LIG1: variants seen among roughly 807,000 people sequenced by gnomAD.
LIG1 encodes DNA ligase 1.
LIG1 carries 70 observed loss-of-function variants against 115.7 expected under a neutral mutation model. The observed-to-expected ratio is 0.60, with a 90% CI of 0.50 to 0.74. LIG1 has a LOEUF of 0.74. Among genes scored for constraint, LIG1 ranks in the 30% least tolerant of loss-of-function variants. The pLI is 0.00. For synonymous variants in LIG1, 487 were observed against 495.3 expected, an observed-to-expected ratio of 0.98 and a Z score of 0.22; for missense variants, 1,115 against 1,225.6, an observed-to-expected ratio of 0.91 and a Z score of 1.35.
At chr19:48,123,097 C>A in intron 22 of LIG1, 77 bp downstream of exon 22, 1 of 1,612,304 alleles carries the variant, frequency 6.2e-7, no homozygotes, top group Non-Finnish European at 8.5e-7. Context: ...GTCAAACGGT[C>A]CAGGACTGGG....
intron 19 of LIG1, among the ~76,000 whole-genome samples, chr19:48,129,270 C>A (rs1233375196): frequency 6.6e-6 from 1 of 152,172 alleles, no homozygotes. Flanking sequence ...AGGCTGGTCT[C>A]GAACTCCTAA....
chr19:48,135,540 G>A (rs1299672551), intron 16 of LIG1, 140 bp downstream of exon 16: 3 of 769,880 alleles, frequency 3.9e-6, no homozygotes, highest in Non-Finnish European at 7.1e-6. Flanking sequence ...CACCACCTCT[G>A]CTCTCAGTCA....
chr19:48,168,890 CTTGTACATTTTAAATGGGCAAAA>C (rs1200294385), intron 1 of LIG1, among the ~76,000 whole-genome samples: 3 of 152,120 alleles, frequency 2.0e-5, no homozygotes, highest in African/African-American at 7.2e-5. Flanking sequence ...AAACCGCTGA[CTTGTACATTTTAAATGGGCAAAA>C]TTGTACACTT....
chr19:48,117,543 G>A (rs1392445925), intron 26 of LIG1, 95 bp downstream of exon 26: 3 of 1,281,948 alleles, frequency 2.3e-6, no homozygotes, highest in East Asian at 2.4e-5. Flanking sequence ...TTACCTGGAA[G>A]AGCAGATGTG....
At chr19:48,141,546 C>T (rs1418146418) in intron 11 of LIG1, among the ~76,000 whole-genome samples, 2 of 152,158 alleles carry the variant, frequency 1.3e-5, no homozygotes, top group African/African-American at 4.8e-5. Context: ...GTGGCTTGCC[C>T]AAGGTCACAG....
In LIG1 at chr19:48,137,712, G is replaced by C. The variant is rs1277288490; in HGVS notation, c.1088-24C>G. The C allele has an allele frequency of 6.3e-7, 1 of 1,599,678 alleles. No homozygotes were observed. On this transcript the variant is annotated intron_variant, in intron 12 of 27. Transcript: ENST00000263274. The surrounding 1 kb of genome is among the most constrained non-coding windows in gnomAD (Gnocchi z 4.3). ...ACCTTCAGGGGAGAGCGCGGGTGGG[G>C]GTGTCGAGGGTGACAGTTGTGGCTG...
intron 4 of LIG1, 137 bp from the exon 5 acceptor site, chr19:48,157,277 G>GCCACCCC: frequency 1.1e-6 from 1 of 948,784 alleles, no homozygotes; most frequent in Non-Finnish European, 1.5e-6. Context: ...TAACTCAGGG[G>GCCACCCC]TGGCCTCTTC....
intron 8 of LIG1, 49 bp downstream of exon 8, chr19:48,150,039 C>A (rs528788023): frequency 6.2e-7 from 1 of 1,613,426 alleles, no homozygotes; most frequent in Admixed American, 1.7e-5. Flanking sequence ...GGCTCACCAG[C>A]CTCCTGCCTG....
chr19:48,119,300 G>T, intron 24 of LIG1, 110 bp from the exon 25 acceptor site: 1 of 868,310 alleles, frequency 1.2e-6, no homozygotes, highest in Non-Finnish European at 1.9e-6. Context: ...TCTGGTCTAC[G>T]CAGTATCCAC....
chr19:48,132,817 A>G (rs997448281), intron 18 of LIG1, among the ~76,000 whole-genome samples, 165 bp downstream of exon 18: 1 of 147,326 alleles, frequency 6.8e-6, no homozygotes, highest in Non-Finnish European at 1.5e-5. Context: ...AAAAAAAAAA[A>G]GAACACACTC....
At chr19:48,115,810 C>T (rs2032761092) in intron 27 of LIG1, 63 bp downstream of exon 27, 1 of 1,581,368 alleles carries the variant, frequency 6.3e-7, no homozygotes. Flanking sequence ...GAGAGGCCAC[C>T]ACGCTAAAAA....
At chr19:48,152,392 G>T (rs1484124121) in intron 6 of LIG1, among the ~76,000 whole-genome samples, 1 of 152,214 alleles carries the variant, frequency 6.6e-6, no homozygotes, top group Non-Finnish European at 1.5e-5. Context: ...CAAACTGCTG[G>T]GAGTACAGGC....
chr19:48,136,174 T>A (rs757470336), intron 14 of LIG1, 49 bp from the exon 15 acceptor site: 8 of 1,364,144 alleles, frequency 5.9e-6, no homozygotes, highest in South Asian at 2.5e-5. Context: ...ACCTCCCCAA[T>A]CTTGCCTCCT....
At chr19:48,152,162 G>A (rs1411682855) in intron 6 of LIG1, among the ~76,000 whole-genome samples, 4 of 151,950 alleles carry the variant, frequency 2.6e-5, no homozygotes, top group South Asian at 2.1e-4. Context: ...TCCCTCTGTC[G>A]CCCAGGCTAG....
intron 2 of LIG1, among the ~76,000 whole-genome samples, chr19:48,165,255 A>C (rs956190549): frequency 6.6e-6 from 1 of 151,570 alleles, no homozygotes; most frequent in African/African-American, 2.4e-5. Flanking sequence ...CAAGACTCCA[A>C]CTCAAAAAAA....
chr19:48,159,810 C>T (rs866883477), intron 4 of LIG1, among the ~76,000 whole-genome samples: 3 of 152,138 alleles, frequency 2.0e-5, no homozygotes, highest in African/African-American at 4.8e-5. Context: ...CTCCGCCTCC[C>T]GGGTTCACGC....
chr19:48,124,806 G>C, intron 21 of LIG1, among the ~76,000 whole-genome samples: 1 of 152,202 alleles, frequency 6.6e-6, no homozygotes, highest in Non-Finnish European at 1.5e-5. Context: ...CCTGAGGTCA[G>C]GAGTTCAACA....
intron 9 of LIG1, among the ~76,000 whole-genome samples, chr19:48,144,894 G>A (rs10445576): frequency 0.14 from 20,836 of 151,880 alleles, 2,298 homozygotes; most frequent in African/African-American, 0.3. Flanking sequence ...GGTAAGCAGC[G>A]CAGCTCTAGA....
chr19:48,120,027 G>A (rs1188420154), intron 24 of LIG1: 1 of 277,362 alleles, frequency 3.6e-6, no homozygotes, highest in East Asian at 1.8e-4. Flanking sequence ...CTTTTGTCCT[G>A]ACAATAGCTC....
Sources: gnomAD v4.1 joint callset for allele counts (sites outside exome capture counted in the v4.1 genomes callset) on GRCh38, gnomAD v4.1.1 for gene constraint, Gnocchi (gnomAD v3.1) non-coding constraint, MANE v1.5 for transcripts, NCBI Gene and HGNC (gene_info 2026-07-23, HGNC 2026-07-21) for gene names.